AKT3: variants seen among roughly 807,000 people sequenced by gnomAD.
AKT3 encodes AKT serine/threonine kinase 3.
In AKT3, 15 loss-of-function variants were observed where a neutral mutation model predicts 65.3. The observed-to-expected ratio is 0.23, with a 90% CI of 0.15 to 0.35. The LOEUF (loss-of-function observed/expected upper bound fraction) is 0.35, where lower values mean the gene tolerates loss of function less well. Among genes scored for constraint, AKT3 ranks in the 10% least tolerant of loss-of-function variants. The pLI is 1.00. For synonymous variants in AKT3, 206 were observed against 183.8 expected, an observed-to-expected ratio of 1.12 and a Z score of -0.98; for missense variants, 243 against 576.5, an observed-to-expected ratio of 0.42 and a Z score of 5.92.
At chr1:243,581,394 TA>T (rs1675337554) in intron 8 of AKT3, among the ~76,000 whole-genome samples, 1 of 152,146 alleles carries the variant, frequency 6.6e-6, no homozygotes, top group Non-Finnish European at 1.5e-5. Flanking sequence ...CTCTTACCTC[TA>T]AGTGCCATCT....
intron 3 of AKT3, among the ~76,000 whole-genome samples, chr1:243,690,338 G>C (rs1652881191): frequency 6.6e-6 from 1 of 152,084 alleles, no homozygotes; most frequent in South Asian, 2.1e-4. Context: ...ATGACTCCTG[G>C]ACAGACAAAC....
intron 2 of AKT3, among the ~76,000 whole-genome samples, chr1:243,783,668 C>T (rs574880704): frequency 1.3e-5 from 2 of 152,222 alleles, no homozygotes; most frequent in South Asian, 4.1e-4. Context: ...GACATGGGTA[C>T]TTTAGTGCTC....
intron 2 of AKT3, among the ~76,000 whole-genome samples, chr1:243,831,442 T>C (rs147898938): frequency 1.3e-5 from 2 of 151,932 alleles, no homozygotes; most frequent in African/African-American, 4.8e-5. Context: ...ACAGGAGATT[T>C]TTCACTTAAA....
intron 5 of AKT3, among the ~76,000 whole-genome samples, chr1:243,641,266 A>ATC (rs1032166780): frequency 2.0e-5 from 3 of 147,840 alleles, no homozygotes; most frequent in Non-Finnish European, 4.5e-5. Context: ...GTGTATATAT[A>ATC]TATATATACA....
At chr1:243,680,804 C>T (rs932905716) in intron 3 of AKT3, among the ~76,000 whole-genome samples, 5 of 152,104 alleles carry the variant, frequency 3.3e-5, no homozygotes, top group Admixed American at 6.5e-5. Context: ...AAAAGCAATG[C>T]TGAAATCTTC....
At position 243,501,704 on chromosome 1, in the gene AKT3, A is replaced by G; in HGVS notation, c.*3545T>C. On this transcript the variant is annotated 3_prime_UTR_variant, in exon 14 of 14. Coordinates refer to ENST00000673466, the MANE Select transcript of AKT3 (RefSeq NM_005465.7). The stretch of plus-strand genomic sequence containing the variant: ...GGCTATTAAAAATCATGTTTTCATT[A>G]AAGAAGATTTAATTTGGGGGGATTA... The G allele has an allele frequency of 4.3e-6, 1 of 233,058 alleles. No homozygotes were observed. Among genetic ancestry groups the G allele is most frequent in the Non-Finnish European group, 8.5e-6 (1 of 117,926 alleles). The allele number at this position is 233,058 out of a possible 1,614,324, so 14.4% of individuals were successfully genotyped here.
intron 2 of AKT3, among the ~76,000 whole-genome samples, chr1:243,789,448 C>T (rs1480433241): frequency 6.6e-6 from 1 of 152,218 alleles, no homozygotes; most frequent in African/African-American, 2.4e-5. Flanking sequence ...AATGTTTTAT[C>T]ATAATACTGC....
intron 12 of AKT3, among the ~76,000 whole-genome samples, chr1:243,515,958 C>G (rs572799498): frequency 5.3e-4 from 79 of 148,752 alleles, no homozygotes; most frequent in African/African-American, 1.9e-3. Context: ...GCCTGGGCGA[C>G]GGAGCAAGAC....
chr1:243,813,771 T>C (rs1693337527), intron 2 of AKT3, among the ~76,000 whole-genome samples: 2 of 152,358 alleles, frequency 1.3e-5, no homozygotes, highest in South Asian at 4.1e-4. Flanking sequence ...GATAAAGTGA[T>C]ATCTACAGCT....
chr1:243,640,677 G>T (rs4658401), intron 5 of AKT3, among the ~76,000 whole-genome samples: 77,431 of 151,882 alleles, frequency 0.51, 23,779 homozygotes, highest in Non-Finnish European at 0.68. Context: ...CAGCACCAAG[G>T]CCCCAGACAC....
chr1:243,796,759 C>A (rs1350539211), intron 2 of AKT3, among the ~76,000 whole-genome samples: 1 of 152,004 alleles, frequency 6.6e-6, no homozygotes, highest in Non-Finnish European at 1.5e-5. Flanking sequence ...GGTGGACAGA[C>A]AAAATGTGGT....
intron 8 of AKT3, among the ~76,000 whole-genome samples, chr1:243,590,730 G>A (rs74153919): frequency 0.01 from 1,542 of 152,132 alleles, 20 homozygotes; most frequent in African/African-American, 0.035. Context: ...CATAGCTAAA[G>A]AATCGATATA....
At chr1:243,577,371 T>A (rs112453550) in intron 8 of AKT3, among the ~76,000 whole-genome samples, 8 of 152,266 alleles carry the variant, frequency 5.3e-5, no homozygotes, top group African/African-American at 1.9e-4. Flanking sequence ...GGTCTCAAAC[T>A]CCTGACCTCA....
rs148306827 is a variant in AKT3 at position 243,652,698 on chromosome 1, C to A, written c.285-6661G>T. On this transcript the variant is annotated intron_variant, in intron 4 of 13. Transcript: ENST00000673466. ...CATCAATGTGCTGTATTCAGGAGAT[C>A]CATCTCTCATGCAAAGACACACACA... Among the ~76,000 whole-genome samples the A allele has an allele frequency of 6.2e-3, 875 of 141,776 alleles. 1 individual carries two copies. The highest frequency in any genetic ancestry group is 0.012 in the Middle Eastern group (3 of 252). 93.0% of individuals were successfully genotyped at this position (141,776 alleles called of 152,430 possible).
chr1:243,614,163 T>C (rs565044261), intron 7 of AKT3, among the ~76,000 whole-genome samples: 14 of 152,286 alleles, frequency 9.2e-5, no homozygotes, highest in Admixed American at 5.2e-4. Context: ...CATCACTTTT[T>C]GCATATTGAG....
At chr1:243,782,490 C>A (rs1399484149) in intron 2 of AKT3, among the ~76,000 whole-genome samples, 1 of 152,104 alleles carries the variant, frequency 6.6e-6, no homozygotes, top group Non-Finnish European at 1.5e-5. Flanking sequence ...TACCTTCTTG[C>A]CCCCATTTAT....
chr1:243,669,436 A>G (rs2147936603), intron 3 of AKT3, among the ~76,000 whole-genome samples: 1 of 152,298 alleles, frequency 6.6e-6, no homozygotes, highest in African/African-American at 2.4e-5. Flanking sequence ...TCACTATTTC[A>G]GTTTTACTTC....
chr1:243,605,118 C>T, intron 8 of AKT3, among the ~76,000 whole-genome samples: 1 of 152,238 alleles, frequency 6.6e-6, no homozygotes, highest in East Asian at 1.9e-4. Flanking sequence ...CTGAGTTCCT[C>T]GGCTCAAGTG....
At chr1:243,731,245 G>C (rs1216837131) in intron 2 of AKT3, among the ~76,000 whole-genome samples, 1 of 152,234 alleles carries the variant, frequency 6.6e-6, no homozygotes, top group African/African-American at 2.4e-5. Flanking sequence ...TATATATTAT[G>C]TTGTTGTAGC....
Sources: gnomAD v4.1 joint callset for allele counts (sites outside exome capture counted in the v4.1 genomes callset) on GRCh38, gnomAD v4.1.1 for gene constraint, MANE v1.5 for transcripts, NCBI Gene and HGNC (gene_info 2026-07-23, HGNC 2026-07-21) for gene names.